F7: variants seen among roughly 807,000 people sequenced by gnomAD.
The protein encoded by F7 is FVII coagulation protein.
Under a neutral mutation model 47.5 loss-of-function variants are expected in F7, and 38 were observed. The ratio of observed to expected loss-of-function variants is 0.80; its 90% CI spans 0.62 to 1.05. The LOEUF (loss-of-function observed/expected upper bound fraction) is 1.05. F7 is among the 50% of genes least tolerant of loss of function. The pLI is 0.00. For synonymous variants in F7, 244 were observed against 258.5 expected (o/e 0.94, Z 0.54); for missense variants, 575 against 605.4 (o/e 0.95, Z 0.53).
rs2036145389 is a variant in F7, at chr13:113,113,740, T to C, written c.226-12T>C. 6.2e-7 allele frequency: 1 copy of C among 1,613,910 alleles called. No homozygotes were observed. Among genetic ancestry groups the C allele is most frequent in the Non-Finnish European group, 8.5e-7 (1 of 1,179,892 alleles). On this transcript the variant is annotated splice_polypyrimidine_tract_variant and intron_variant, in intron 2 of 7. Coordinates refer to ENST00000346342, the MANE Select transcript of F7 (RefSeq NM_019616.4). This position sits in a 1 kb window ranked among gnomAD's most constrained non-coding sequence, Gnocchi z 4.1. Reference sequence around the variant, plus strand: ...GGTGCATCTCACGAGGCTTGCTCTCTTGTTCCTTCAGAAGCTGTTCTGGAT... The same window carrying C: ...GGTGCATCTCACGAGGCTTGCTCTCCTGTTCCTTCAGAAGCTGTTCTGGAT...
Position 113,118,727 on chromosome 13 carries a change from T to C in F7, c.1054T>C (p.Ser352Pro), listed in dbSNP as rs748847358. Residue 352 changes from serine to proline, a missense_variant, in exon 8 of 8, where the codon TCA becomes CCA. Physicochemically the swap from Ser to Pro is moderately conservative, Grantham distance 74 (BLOSUM62 -1). Coordinates refer to ENST00000346342, the MANE Select transcript of F7 (RefSeq NM_019616.4). ...RLMTQDCLQQ[S>P]RKVGDSPNIT... ...GATGACCCAGGACTGCCTGCAGCAG[T>C]CACGGAAGGTGGGAGACTCCCCAAA... 1 of 1,613,020 alleles carries C rather than the reference T, an allele frequency of 6.2e-7. No homozygotes were observed. Among genetic ancestry groups the C allele is most frequent in the Non-Finnish European group, 8.5e-7 (1 of 1,179,934 alleles).
Position 113,110,758 on chromosome 13 carries a change from G to C in F7, c.133G>C (p.Glu45Gln). 1 of 1,549,530 alleles carries C rather than the reference G, an allele frequency of 6.5e-7. No homozygotes were observed. Among genetic ancestry groups the C allele is most frequent in the Admixed American group, 2.0e-5 (1 of 51,034 alleles). The change falls in exon 2 of 8, where the codon GAG becomes CAG. Residue 45 changes from glutamate (E) to glutamine (Q), a missense_variant. Coordinates refer to ENST00000346342, the MANE Select transcript of F7 (RefSeq NM_019616.4). ...CCGGCGCGCCAACGCGTTCCTGGAG[G>C]AGCTGCGGCCGGGCTCCCTGGAGAG... is the stretch of plus-strand genomic sequence containing the variant. ...RRRRANAFLE[E>Q]LRPGSLEREC...
chr13:113,112,342 T>A (rs1244990903), intron 2 of F7, among the ~76,000 whole-genome samples: 3 of 137,608 alleles, frequency 2.2e-5, no homozygotes, highest in African/African-American at 5.7e-5. Context: ...GTCACCTTAC[T>A]CTCACAGGAC....
chr13:113,110,249 A>G (rs534595737), intron 1 of F7: 1 of 170,692 alleles, frequency 5.9e-6, no homozygotes, highest in Non-Finnish European at 1.2e-5. Flanking sequence ...GCCGCCGGAG[A>G]CGCGGTGCGG....
chr13:113,107,130 G>C (rs1354944358), intron 1 of F7, among the ~76,000 whole-genome samples: 1 of 152,142 alleles, frequency 6.6e-6, no homozygotes, highest in Admixed American at 6.5e-5. Flanking sequence ...GTTCCTTCCA[G>C]ATAATCGTGT....
chr13:113,110,584 G>T, intron 1 of F7, 106 bp from the exon 2 acceptor site: 1 of 1,478,150 alleles, frequency 6.8e-7, no homozygotes, highest in Non-Finnish European at 9.2e-7. Context: ...CCCTCCTCCA[G>T]GACGGGCGGG....
At chr13:113,116,920 G>C in intron 6 of F7, 45 bp downstream of exon 6, 2 of 1,461,056 alleles carry the variant, frequency 1.4e-6, no homozygotes, top group Non-Finnish European at 1.9e-6. Flanking sequence ...TGAGGGTCTT[G>C]AAGCCTTTTG....
In F7 at chr13:113,115,579, AC is replaced by A. The variant is rs2036178452; in HGVS notation, c.365-78del. The A allele has an allele frequency of 1.6e-4, 237 of 1,511,070 alleles. 1 individual carries two copies. The South Asian group carries it at 2.7e-3, about 17-fold the overall frequency. The allele number at this position is 1,511,070 out of a possible 1,614,324, so 93.6% of individuals were successfully genotyped here. A position where few individuals can be genotyped will look rare whatever the true frequency, so the allele number is the denominator to read the frequency against. ...CCTTCCAGGCAGAACACCACTGCTG[AC>A]CCAGGGCATGGCCACCCCGGGGGCT... On this transcript the variant is annotated intron_variant, in intron 4 of 7. Transcript: ENST00000346342.
At chr13:113,109,235 T>A (rs1268679302) in intron 1 of F7, among the ~76,000 whole-genome samples, 2 of 125,968 alleles carry the variant, frequency 1.6e-5, no homozygotes, top group Non-Finnish European at 3.4e-5. Context: ...CCCGGGGGTG[T>A]GGGTGTCCCG....
chr13:113,110,336 T>G, intron 1 of F7: 1 of 246,862 alleles, frequency 4.1e-6, no homozygotes, highest in Non-Finnish European at 7.7e-6. Flanking sequence ...CCCAGGGGGT[T>G]GCCCGGCACC....
intron 5 of F7, among the ~76,000 whole-genome samples, chr13:113,116,289 A>G: frequency 6.6e-6 from 1 of 152,100 alleles, no homozygotes. Flanking sequence ...GGACGTGCCC[A>G]CCCTGGCCAC....
chr13:113,109,911 C>A (rs879367454), intron 1 of F7, among the ~76,000 whole-genome samples: 4 of 152,212 alleles, frequency 2.6e-5, no homozygotes, highest in Admixed American at 2.6e-4. Flanking sequence ...GGGGTTGCCT[C>A]GCCCTGGGCG....
Position 113,120,538 on chromosome 13 carries a change from TCA to T in F7, c.*1533_*1534del, listed in dbSNP as rs1491124578. ...GCAGCAAGGTGGGCACCATTGGCAC[TCA>T]CAGCAGCAAGGCAGGCACCAGCAAC... On this transcript the variant is annotated 3_prime_UTR_variant, in exon 8 of 8. Coordinates refer to ENST00000346342, the MANE Select transcript of F7 (RefSeq NM_019616.4). The T allele has an allele frequency of 6.7e-6, 1 of 148,886 alleles. No individual in the cohort carries two copies. Among genetic ancestry groups the T allele is most frequent in the African/African-American group, 2.4e-5 (1 of 40,922 alleles). The allele number at this position is 148,886 out of a possible 1,614,324, so 9.2% of individuals were successfully genotyped here.
At chr13:113,118,225 C>A (rs2036230793) in intron 7 of F7, among the ~76,000 whole-genome samples, 188 bp from the exon 8 acceptor site, 1 of 152,234 alleles carries the variant, frequency 6.6e-6, no homozygotes, top group Non-Finnish European at 1.5e-5. Flanking sequence ...GTTCACTTGT[C>A]CCCACACGAG....
Position 113,117,654 on chromosome 13 carries a change from T to C in F7, c.739+58T>C, listed in dbSNP as rs559003597. 2.1e-6 allele frequency: 3 copies of C among 1,449,932 alleles called. No homozygotes were observed. The African/African-American group carries it at 4.4e-5, about 21-fold the overall frequency. 89.8% of individuals were successfully genotyped at this position (1,449,932 alleles called of 1,614,324 possible). A position where few individuals can be genotyped will look rare whatever the true frequency, so the allele number is the denominator to read the frequency against. ...GCTGGGTGGGTGCCACTCTTCCCTG[T>C]CCGACCGCGGTGCTGGGTGGGTGCC... On this transcript the variant is annotated intron_variant, in intron 7 of 7. Coordinates refer to ENST00000346342, the MANE Select transcript of F7 (RefSeq NM_019616.4).
rs121964927 is a variant in F7, at chr13:113,118,716, G to A, written c.1043G>A (p.Cys348Tyr). ...GTGCCCCGGCTGATGACCCAGGACTGCCTGCAGCAGTCACGGAAGGTGGGA... is the reference window on the plus strand; with the variant it reads ...GTGCCCCGGCTGATGACCCAGGACTACCTGCAGCAGTCACGGAAGGTGGGA... ...LNVPRLMTQD[C>Y]LQQSRKVGDS... The change falls in exon 8 of 8, where the codon TGC becomes TAC. Residue 348 changes from cysteine (C) to tyrosine (Y), a missense_variant. Physicochemically the swap from Cys to Tyr is radical, Grantham distance 194. Transcript: ENST00000346342. 3.1e-6 allele frequency: 5 copies of A among 1,613,040 alleles called. No homozygotes were observed. The highest frequency in any genetic ancestry group is 1.7e-5 in the Admixed American group (1 of 59,996).
At chr13:113,116,667 C>A in intron 5 of F7, 99 bp from the exon 6 acceptor site, 1 of 1,003,938 alleles carries the variant, frequency 1.0e-6, no homozygotes, top group Non-Finnish European at 1.6e-6. Flanking sequence ...ATAGCCTCGG[C>A]CTCAAGGCCT....
At position 113,118,863 on chromosome 13, in the gene F7, C is replaced by A; in HGVS notation, c.1190C>A (p.Thr397Lys). 6.2e-7 allele frequency: 1 copy of A among 1,612,836 alleles called. No individual in the cohort carries two copies. ...ATHYRGTWYL[T>K]GIVSWGQGCA... Reference sequence around the variant, plus strand: ...CACTACCGGGGCACGTGGTACCTGACGGGCATCGTCAGCTGGGGCCAGGGC... The same window carrying A: ...CACTACCGGGGCACGTGGTACCTGAAGGGCATCGTCAGCTGGGGCCAGGGC... Residue 397 changes from threonine (T) to lysine (K), a missense_variant, in exon 8 of 8, where the codon ACG becomes AAG. Transcript: ENST00000346342.
Position 113,110,816 on chromosome 13 carries a change from A to T in F7, c.191A>T (p.Glu64Val), listed in dbSNP as rs1473299860. The part of the protein sequence containing the change: ...ECKEEQCSFE[E>V]AREIFKDAER... ...AAGGAGGAGCAGTGCTCCTTCGAGG[A>T]GGCCCGGGAGATCTTCAAGGACGCG... Residue 64 changes from glutamate (E) to valine (V), a missense_variant, in exon 2 of 8, where the codon GAG (glutamate) becomes GTG (valine). Coordinates refer to ENST00000346342, the MANE Select transcript of F7 (RefSeq NM_019616.4). 7 of 1,559,472 alleles carry T rather than the reference A, an allele frequency of 4.5e-6. No individual in the cohort carries two copies. Among genetic ancestry groups the T allele is most frequent in the Non-Finnish European group, 6.1e-6 (7 of 1,152,520 alleles).
Sources: allele counts gnomAD v4.1 joint callset (sites outside exome capture counted in the v4.1 genomes callset), GRCh38; gene constraint gnomAD v4.1.1; non-coding constraint Gnocchi (gnomAD v3.1); transcripts MANE v1.5; gene names NCBI Gene and HGNC (gene_info 2026-07-23, HGNC 2026-07-21).